The following BMERB1 variants were observed in gnomAD, a reference collection of about 807,000 sequenced individuals.
The protein encoded by BMERB1 is bMERB domain-containing protein 1.
A neutral mutation model predicts 23.6 loss-of-function variants in BMERB1; 12 were observed. The ratio of observed to expected loss-of-function variants is 0.51; its 90% CI spans 0.33 to 0.82. The LOEUF (loss-of-function observed/expected upper bound fraction) is 0.82. BMERB1 is among the 40% of genes least tolerant of loss of function. The probability of loss-of-function intolerance (pLI) is 0.03; values close to 1 mark genes in which losing one functional copy is unlikely to be tolerated. For synonymous variants in BMERB1, 122 were observed against 96.6 expected, an observed-to-expected ratio of 1.26 and a Z score of -1.54; for missense variants, 247 against 255.4, an observed-to-expected ratio of 0.97 and a Z score of 0.22.
chr16:15,587,400 C>G lies in BMERB1; in HGVS notation c.*571C>G, dbSNP rs936935284. 2 of 287,762 alleles carry G rather than the reference C, an allele frequency of 7.0e-6. No homozygotes were observed. Among genetic ancestry groups the G allele is most frequent in the African/African-American group, 4.5e-5 (2 of 44,644 alleles). 17.8% of individuals were successfully genotyped at this position (287,762 alleles called of 1,614,324 possible). A position where few individuals can be genotyped will look rare whatever the true frequency, so the allele number is the denominator to read the frequency against. ...TCCCAGAGGGCCCATCTGTAAAGAT[C>G]GAGCTTGTGTGTGGTGTCGTGGTCA... On this transcript the variant is annotated 3_prime_UTR_variant, in exon 6 of 6. Coordinates refer to ENST00000300006, the MANE Select transcript of BMERB1 (RefSeq NM_033201.3).
At chr16:15,501,768 T>C (rs1201864401) in intron 1 of BMERB1, among the ~76,000 whole-genome samples, 2 of 152,048 alleles carry the variant, frequency 1.3e-5, no homozygotes, top group African/African-American at 4.8e-5. Context: ...TGAGCCACCG[T>C]GCTCTGCCAC....
At chr16:15,456,865 G>A (rs150779489) in intron 1 of BMERB1, among the ~76,000 whole-genome samples, 34 of 151,500 alleles carry the variant, frequency 2.2e-4, no homozygotes, top group East Asian at 5.8e-4. Context: ...TCACTCTTTC[G>A]CCCAGGTTGG....
intron 1 of BMERB1, among the ~76,000 whole-genome samples, chr16:15,459,226 A>C (rs751059666): frequency 2.6e-5 from 4 of 152,150 alleles, no homozygotes; most frequent in Admixed American, 6.6e-5. Context: ...AAAAGACATG[A>C]AGGATATAAA....
chr16:15,487,865 C>A (rs1309810619), intron 1 of BMERB1, among the ~76,000 whole-genome samples: 2 of 152,186 alleles, frequency 1.3e-5, no homozygotes, highest in African/African-American at 4.8e-5. Flanking sequence ...CATGGTAATG[C>A]ATTATAATTA....
chr16:15,459,204 A>G (rs1366494198), intron 1 of BMERB1, among the ~76,000 whole-genome samples: 2 of 152,152 alleles, frequency 1.3e-5, no homozygotes, highest in African/African-American at 4.8e-5. Context: ...TTAAAAAGGA[A>G]CAGACTAACA....
chr16:15,511,697 G>T (rs1363772474), intron 1 of BMERB1, among the ~76,000 whole-genome samples: 1 of 151,978 alleles, frequency 6.6e-6, no homozygotes, highest in African/African-American at 2.4e-5. Flanking sequence ...CATTGCCTTT[G>T]TTACTGTTTC....
At chr16:15,568,977 G>A (rs1043543909) in intron 3 of BMERB1, among the ~76,000 whole-genome samples, 2 of 152,234 alleles carry the variant, frequency 1.3e-5, no homozygotes, top group Non-Finnish European at 2.9e-5. Flanking sequence ...AGCAGTTTAG[G>A]AGGCTGAGAG....
chr16:15,471,226 G>T (rs2051226346), intron 1 of BMERB1, among the ~76,000 whole-genome samples: 1 of 152,134 alleles, frequency 6.6e-6, no homozygotes, highest in Admixed American at 6.5e-5. Flanking sequence ...ATGAAGAATT[G>T]ATAGAGATTC....
chr16:15,520,411 T>C (rs1226363608), intron 2 of BMERB1, among the ~76,000 whole-genome samples: 5 of 152,104 alleles, frequency 3.3e-5, no homozygotes, highest in Non-Finnish European at 7.4e-5. Context: ...GGACAGATTT[T>C]ACTAAGTCAG....
chr16:15,449,108 G>A (rs1427436392), intron 1 of BMERB1, among the ~76,000 whole-genome samples: 3 of 152,196 alleles, frequency 2.0e-5, no homozygotes, highest in African/African-American at 4.8e-5. Context: ...GGTCCGTTTA[G>A]CACTACCTGC....
intron 1 of BMERB1, among the ~76,000 whole-genome samples, chr16:15,463,216 C>T (rs1179939351): frequency 2.0e-5 from 3 of 151,322 alleles, no homozygotes; most frequent in Non-Finnish European, 4.4e-5. Context: ...GTAGCTGGGG[C>T]CACAGGTGTG....
intron 1 of BMERB1, among the ~76,000 whole-genome samples, chr16:15,464,324 A>G (rs901887634): frequency 2.0e-5 from 3 of 149,718 alleles, no homozygotes; most frequent in African/African-American, 7.5e-5. Context: ...AAAAAAAAAA[A>G]AAAAAAAAGG....
chr16:15,578,195 C>T (rs2030919079), intron 3 of BMERB1, among the ~76,000 whole-genome samples: 2 of 151,686 alleles, frequency 1.3e-5, no homozygotes, highest in Non-Finnish European at 2.9e-5. Context: ...TCACGTGACC[C>T]TGTGTGTGTC....
chr16:15,486,393 A>G, intron 1 of BMERB1, among the ~76,000 whole-genome samples: 1 of 152,106 alleles, frequency 6.6e-6, no homozygotes. Flanking sequence ...TCCATTGTGA[A>G]TCAAGGAGGT....
intron 1 of BMERB1, among the ~76,000 whole-genome samples, chr16:15,503,793 A>G (rs190872639): frequency 1.2e-3 from 176 of 152,328 alleles, no homozygotes; most frequent in Middle Eastern, 6.8e-3. Flanking sequence ...AATTAGTGAT[A>G]GAGCCAGGGC....
At chr16:15,551,010 G>A (rs564018075) in intron 2 of BMERB1, among the ~76,000 whole-genome samples, 7 of 152,312 alleles carry the variant, frequency 4.6e-5, no homozygotes, top group Non-Finnish European at 7.3e-5. Flanking sequence ...GCAGGAACTC[G>A]CAGCAGGTGA....
At chr16:15,510,165 G>A (rs750499513) in intron 1 of BMERB1, among the ~76,000 whole-genome samples, 5 of 152,124 alleles carry the variant, frequency 3.3e-5, no homozygotes, top group Non-Finnish European at 5.9e-5. Flanking sequence ...CTGGCTTCCC[G>A]AACTCCAAGA....
chr16:15,436,426 CTTT>C (rs1418033728), intron 1 of BMERB1, among the ~76,000 whole-genome samples: 1 of 151,744 alleles, frequency 6.6e-6, no homozygotes, highest in African/African-American at 2.4e-5. Context: ...GCCTGGCTAA[CTTT>C]TGTATTTTTA....
intron 2 of BMERB1, among the ~76,000 whole-genome samples, chr16:15,531,555 G>A (rs963967058): frequency 2.6e-5 from 4 of 152,198 alleles, no homozygotes; most frequent in African/African-American, 9.7e-5. Flanking sequence ...CAATGACAGA[G>A]ACGGCCCTGG....
Sources: gnomAD v4.1 joint callset for allele counts (sites outside exome capture counted in the v4.1 genomes callset) on GRCh38, gnomAD v4.1.1 for gene constraint, MANE v1.5 for transcripts, NCBI Gene and HGNC (gene_info 2026-07-23, HGNC 2026-07-21) for gene names.